Variants in ZWILCH observed in about 807,000 individuals in gnomAD.
The protein encoded by ZWILCH is zwilch kinetochore protein.
ZWILCH carries 74 observed loss-of-function variants against 79.9 expected under a neutral mutation model. That is an observed-to-expected ratio of 0.93 (90% confidence interval 0.77 to 1.12). The LOEUF (loss-of-function observed/expected upper bound fraction) is 1.12, where lower values mean the gene tolerates loss of function less well. Among genes scored for constraint, ZWILCH ranks in the 50% most tolerant of loss-of-function variants. The pLI is 0.00. For missense variants in ZWILCH, 694 were observed against 687.5 expected, an observed-to-expected ratio of 1.01 and a Z score of -0.11; for synonymous variants, 241 against 228.2, an observed-to-expected ratio of 1.06 and a Z score of -0.51.
chr15:66,519,018 G>A lies in ZWILCH; in HGVS notation c.460G>A (p.Glu154Lys). ...DPEGTCWLGA[E>K]LITTNNSITG... Reference sequence around the variant, plus strand: ...TGAAGGTACTTGTTGGCTAGGAGCTGAGCTTATCACAACAAACAACAGCAT... The same window carrying A: ...TGAAGGTACTTGTTGGCTAGGAGCTAAGCTTATCACAACAAACAACAGCAT... Residue 154 changes from glutamate to lysine, a missense_variant, in exon 5 of 19, where the codon GAG becomes AAG. Glu to Lys is a moderately conservative substitution (Grantham distance 56, BLOSUM62 1). Transcript: ENST00000307897. 1 of 1,614,210 alleles carries A rather than the reference G, an allele frequency of 6.2e-7. No individual in the cohort carries two copies.
intron 2 of ZWILCH, among the ~76,000 whole-genome samples, chr15:66,512,884 C>G (rs1368095877): frequency 6.6e-6 from 1 of 152,248 alleles, no homozygotes; most frequent in African/African-American, 2.4e-5. Context: ...CAAGCTCCAC[C>G]TCCCAGGTTC....
chr15:66,521,091 C>G lies in ZWILCH; in HGVS notation c.633C>G (p.Ser211=). 1 of 1,614,120 alleles carries G rather than the reference C, an allele frequency of 6.2e-7. No homozygotes were observed. The highest frequency in any genetic ancestry group is 8.5e-7 in the Non-Finnish European group (1 of 1,180,030). Residue 211 remains serine (S), a synonymous_variant, in exon 7 of 19, where the codon TCC becomes TCG. Transcript: ENST00000307897. ...KGFAQYELFK[S]SALDDTITAS... is the part of the protein sequence containing the mutation. ...TTGCCCAGTATGAGCTCTTTAAGTC[C>G]TCTGCCTTGGATGATACAATCACAG...
At chr15:66,505,513 G>C in intron 1 of ZWILCH, 122 bp downstream of exon 1, 9 of 1,247,952 alleles carry the variant, frequency 7.2e-6, no homozygotes, top group African/African-American at 1.5e-5. Context: ...CTTTCCTGGG[G>C]TCCAGGAGTT....
At chr15:66,527,996 C>T (rs1894735806) in intron 10 of ZWILCH, 84 bp downstream of exon 10, 6 of 1,163,076 alleles carry the variant, frequency 5.2e-6, no homozygotes, top group African/African-American at 3.2e-5. Context: ...GTTGTACCAT[C>T]GCAAATGGAT....
At position 66,521,149 on chromosome 15, in the gene ZWILCH, T is replaced by C; in HGVS notation, c.691T>C (p.Trp231Arg). The change falls in exon 7 of 19, where the codon TGG (tryptophan) becomes CGG (arginine). Residue 231 changes from tryptophan (W) to arginine (R), a missense_variant. Trp to Arg is a moderately radical substitution (Grantham distance 101). Transcript: ENST00000307897. ...SQTAIALDIS[W>R]SPVDEILQIP... ...AACTGCGATCGCTTTGGATATTTCCTGGAGTCCTGTGGATGAGATTCTTCA... is the reference window on the plus strand; with the variant it reads ...AACTGCGATCGCTTTGGATATTTCCCGGAGTCCTGTGGATGAGATTCTTCA... The C allele has an allele frequency of 6.2e-7, 1 of 1,613,996 alleles. No individual in the cohort carries two copies. Among genetic ancestry groups the C allele is most frequent in the Non-Finnish European group, 8.5e-7 (1 of 1,180,036 alleles).
chr15:66,528,016 C>A, intron 10 of ZWILCH, 104 bp downstream of exon 10: 1 of 863,270 alleles, frequency 1.2e-6, no homozygotes, highest in Admixed American at 3.1e-5. Context: ...TTTGGGATAT[C>A]AAGGCAGCAT....
At chr15:66,536,980 A>G (rs1567051061) in intron 15 of ZWILCH, among the ~76,000 whole-genome samples, 188 bp from the exon 16 acceptor site, 1 of 152,132 alleles carries the variant, frequency 6.6e-6, no homozygotes, top group African/African-American at 2.4e-5. Context: ...AAAGAAAAAA[A>G]CATAACCTAA....
chr15:66,534,412 G>A (rs909530027), intron 14 of ZWILCH, among the ~76,000 whole-genome samples: 1 of 152,122 alleles, frequency 6.6e-6, no homozygotes, highest in Non-Finnish European at 1.5e-5. Flanking sequence ...ACGGACAACT[G>A]TATCTGTATA....
Position 66,518,975 on chromosome 15 carries a change from A to C in ZWILCH, c.417A>C (p.Arg139Ser). 4 of 1,614,196 alleles carry C rather than the reference A, an allele frequency of 2.5e-6. No homozygotes were observed. Among genetic ancestry groups the C allele is most frequent in the Non-Finnish European group, 3.4e-6 (4 of 1,180,026 alleles). Residue 139 changes from arginine to serine, a missense_variant, in exon 5 of 19, where the codon AGA (arginine) becomes AGC (serine). By Grantham distance (110) the Arg-to-Ser change is moderately radical (BLOSUM62 -1). Transcript: ENST00000307897. ...PVTALPPLWV[R>S]CDSSDPEGTC... ...CTGCCCTTCCTCCCCTTTGGGTAAG[A>C]TGTGACAGTTCAGATCCTGAAGGTA... is the stretch of plus-strand genomic sequence containing the variant.
intron 13 of ZWILCH, 54 bp from the exon 14 acceptor site, chr15:66,532,931 A>G (rs1481815669): frequency 1.7e-6 from 2 of 1,202,766 alleles, no homozygotes; most frequent in East Asian, 2.6e-5. Context: ...TTCTATTAAT[A>G]TGTAATAGAA....
chr15:66,506,610 C>T (rs1367988918), intron 1 of ZWILCH, among the ~76,000 whole-genome samples: 1 of 152,028 alleles, frequency 6.6e-6, no homozygotes, highest in Non-Finnish European at 1.5e-5. Context: ...GAGCCGAGAT[C>T]GTGCCAGTGC....
At chr15:66,529,853 C>T (rs1894806404) in intron 12 of ZWILCH, among the ~76,000 whole-genome samples, 1 of 152,200 alleles carries the variant, frequency 6.6e-6, no homozygotes, top group Non-Finnish European at 1.5e-5. Context: ...TGTGTGTAAA[C>T]TACTAATATT....
chr15:66,517,430 G>GTGTGTGTGTGTGTATATATATATATATA, intron 4 of ZWILCH, among the ~76,000 whole-genome samples: 8 of 66,508 alleles, frequency 1.2e-4, no homozygotes, highest in Non-Finnish European at 2.3e-4. Context: ...GTGTGTGTGT[G>GTGTGTGTGTGTGTATATATATATATATA]TATATATATA....
chr15:66,517,455 T>TATATATATATATAGAGAG (rs1180456312), intron 4 of ZWILCH, among the ~76,000 whole-genome samples: 5 of 115,216 alleles, frequency 4.3e-5, no homozygotes, highest in African/African-American at 6.0e-5. Flanking sequence ...TATATATATA[T>TATATATATATATAGAGAG]AGTAATGTAC....
chr15:66,527,377 CTGAA>C lies in ZWILCH; in HGVS notation c.910_913del (p.Asn304ThrfsTer2). ...TGCTGTTGAACTTGTTCAGGAATTT[CTGAA>C]TGGTGTATTACTTGTTTTATTAATT... On this transcript the variant is annotated frameshift_variant and splice_region_variant, in exon 9 of 19. Transcript: ENST00000307897. LOFTEE classifies it high-confidence loss of function. 1 of 1,613,016 alleles carries C rather than the reference CTGAA, an allele frequency of 6.2e-7. No individual in the cohort carries two copies. Among genetic ancestry groups the C allele is most frequent in the Non-Finnish European group, 8.5e-7 (1 of 1,179,070 alleles).
chr15:66,543,898 C>T (rs1018674804), intron 17 of ZWILCH, among the ~76,000 whole-genome samples: 4 of 152,280 alleles, frequency 2.6e-5, no homozygotes, highest in Admixed American at 2.0e-4. Context: ...CTAAAGTAAA[C>T]ATTCTGTCTA....
chr15:66,542,025 A>G (rs143214740), intron 17 of ZWILCH, among the ~76,000 whole-genome samples: 4 of 152,352 alleles, frequency 2.6e-5, no homozygotes, highest in African/African-American at 7.2e-5. Context: ...TCTGAGAGCC[A>G]TCAGTTAAAA....
chr15:66,525,107 A>AC (rs1567045999), intron 8 of ZWILCH, among the ~76,000 whole-genome samples: 1 of 149,576 alleles, frequency 6.7e-6, no homozygotes, highest in East Asian at 1.9e-4. Context: ...CTCTTTGAAA[A>AC]CCCCCCATTT....
chr15:66,532,625 T>A (rs2140790436), intron 13 of ZWILCH, among the ~76,000 whole-genome samples: 1 of 152,162 alleles, frequency 6.6e-6, no homozygotes, highest in Non-Finnish European at 1.5e-5. Flanking sequence ...AATTTATTTG[T>A]TTTTAGTTCA....
Sources: gnomAD v4.1 joint callset for allele counts (sites outside exome capture counted in the v4.1 genomes callset) on GRCh38, gnomAD v4.1.1 for gene constraint, MANE v1.5 for transcripts, NCBI Gene and HGNC (gene_info 2026-07-23, HGNC 2026-07-21) for gene names.